Variants in GRIP1 observed in about 807,000 individuals in gnomAD.
GRIP1 encodes glutamate receptor-interacting protein 1.
In GRIP1, 45 loss-of-function variants were observed where a neutral mutation model predicts 129.9. That is an observed-to-expected ratio of 0.35 (90% CI 0.27 to 0.44). The LOEUF (loss-of-function observed/expected upper bound fraction) is 0.44. GRIP1 is among the 20% of genes least tolerant of loss of function. The probability of loss-of-function intolerance (pLI) is 1.00; values close to 1 mark genes in which losing one functional copy is unlikely to be tolerated. For missense variants in GRIP1, 1,196 were observed against 1,396.8 expected, an observed-to-expected ratio of 0.86 and a Z score of 2.29; for synonymous variants, 530 against 520.8, an observed-to-expected ratio of 1.02 and a Z score of -0.24.
chr12:66,961,237 CAG>C (rs1566096016), intron 1 of GRIP1, among the ~76,000 whole-genome samples: 1 of 151,748 alleles, frequency 6.6e-6, no homozygotes, highest in Non-Finnish European at 1.5e-5. Context: ...GCAAACAAAA[CAG>C]GGAGGAACAC....
chr12:66,838,087 G>A (rs1270553788), intron 1 of GRIP1, among the ~76,000 whole-genome samples: 1 of 151,822 alleles, frequency 6.6e-6, no homozygotes, highest in Non-Finnish European at 1.5e-5. Context: ...TCCAGAGGCT[G>A]AGGCAGGAGA....
chr12:66,838,889 G>T (rs2039664894), intron 1 of GRIP1, among the ~76,000 whole-genome samples: 1 of 152,160 alleles, frequency 6.6e-6, no homozygotes, highest in Non-Finnish European at 1.5e-5. Flanking sequence ...CTTCTATGTA[G>T]CCAATTTTAA....
chr12:66,979,363 TGAGTGAATGCAG>T (rs1408876121), intron 1 of GRIP1, among the ~76,000 whole-genome samples: 1 of 145,550 alleles, frequency 6.9e-6, no homozygotes, highest in Non-Finnish European at 1.5e-5. Flanking sequence ...AACAACTCAA[TGAGTGAATGCAG>T]GAGTGAAAAT....
chr12:66,764,494 T>C (rs2037568537), intron 1 of GRIP1, among the ~76,000 whole-genome samples: 1 of 152,186 alleles, frequency 6.6e-6, no homozygotes, highest in Non-Finnish European at 1.5e-5. Flanking sequence ...TTGACCAAAA[T>C]TTACACTCAA....
At chr12:66,655,795 T>G (rs117700649) in intron 1 of GRIP1, among the ~76,000 whole-genome samples, 9,666 of 152,074 alleles carry the variant, frequency 0.064, 438 homozygotes, top group Non-Finnish European at 0.099. Context: ...ATTCTTTTAG[T>G]AGAGACGGGG....
chr12:66,453,898 GT>G (rs1592352794), intron 11 of GRIP1, among the ~76,000 whole-genome samples: 2 of 152,174 alleles, frequency 1.3e-5, no homozygotes, highest in East Asian at 1.9e-4. Flanking sequence ...CATTCAACTA[GT>G]TTCTTCCAAG....
intron 1 of GRIP1, among the ~76,000 whole-genome samples, chr12:66,626,331 C>T (rs1290230093): frequency 7.8e-6 from 1 of 127,430 alleles, no homozygotes; most frequent in African/African-American, 2.9e-5. Flanking sequence ...CAGAGTAAGA[C>T]CCCATCTCCA....
At chr12:66,908,602 C>T (rs1389449527) in intron 1 of GRIP1, among the ~76,000 whole-genome samples, 2 of 151,920 alleles carry the variant, frequency 1.3e-5, no homozygotes. Flanking sequence ...CCCTCTTGCA[C>T]AGAGTTTGTT....
In GRIP1 at chr12:66,870,986, T is replaced by C. The variant is rs147294083; in HGVS notation, c.58+198064A>G. ...TGCACTCAAAGCCTAATTTTTACCA[T>C]TTATAGCCTGTGTGACCTTGACCAT... On this transcript the variant is annotated intron_variant, in intron 1 of 1. Coordinates refer to the GRIP1 transcript ENST00000643019. Among the ~76,000 whole-genome samples, 887 of 152,232 alleles carry C rather than the reference T, an allele frequency of 5.8e-3. 7 individuals are homozygous for C. Among genetic ancestry groups the C allele is most frequent in the Non-Finnish European group, 5.6e-3 (384 of 67,990 alleles).
chr12:66,522,182 T>A (rs952686769), intron 5 of GRIP1, among the ~76,000 whole-genome samples: 1 of 152,232 alleles, frequency 6.6e-6, no homozygotes, highest in African/African-American at 2.4e-5. Flanking sequence ...GCTGTAGATC[T>A]GAGAACAGGC....
intron 1 of GRIP1, among the ~76,000 whole-genome samples, chr12:66,668,390 G>T (rs1017352631): frequency 2.6e-5 from 4 of 152,152 alleles, no homozygotes; most frequent in Admixed American, 2.6e-4. Flanking sequence ...GAAACTCTGT[G>T]GGGTCCTAGA....
chr12:66,528,532 A>G (rs1447192936), intron 5 of GRIP1, among the ~76,000 whole-genome samples: 1 of 152,156 alleles, frequency 6.6e-6, no homozygotes, highest in African/African-American at 2.4e-5. Flanking sequence ...GCACATAGAT[A>G]CCCAAGAGAT....
At chr12:66,621,594 A>G (rs1436140945) in intron 1 of GRIP1, among the ~76,000 whole-genome samples, 1 of 152,062 alleles carries the variant, frequency 6.6e-6, no homozygotes, top group Non-Finnish European at 1.5e-5. Context: ...CCTGCTTTCA[A>G]TTCTTTGGGG....
At chr12:66,957,777 T>C (rs1223626960) in intron 1 of GRIP1, among the ~76,000 whole-genome samples, 1 of 152,192 alleles carries the variant, frequency 6.6e-6, no homozygotes, top group Non-Finnish European at 1.5e-5. Context: ...TGAGGGAGTA[T>C]ATGTCAGATT....
intron 1 of GRIP1, among the ~76,000 whole-genome samples, chr12:66,916,509 G>T (rs2041124791): frequency 6.6e-6 from 1 of 152,146 alleles, no homozygotes; most frequent in Non-Finnish European, 1.5e-5. Context: ...GAAGCCACCA[G>T]TGTGCTGTAA....
At chr12:66,570,327 G>A (rs2062917504) in intron 2 of GRIP1, among the ~76,000 whole-genome samples, 1 of 152,008 alleles carries the variant, frequency 6.6e-6, no homozygotes, top group South Asian at 2.1e-4. Context: ...TATTTGCTCA[G>A]GCCAGTCTCA....
chr12:66,484,106 G>A (rs554107375), intron 7 of GRIP1, among the ~76,000 whole-genome samples: 50 of 152,104 alleles, frequency 3.3e-4, no homozygotes, highest in East Asian at 2.5e-3. Context: ...TGATCCGCCC[G>A]CCTCGGCCTC....
At chr12:66,421,768 C>T (rs12371165) in intron 14 of GRIP1, among the ~76,000 whole-genome samples, 14,247 of 150,416 alleles carry the variant, frequency 0.095, 894 homozygotes, top group Middle Eastern at 0.14. Context: ...TTAGATAAAA[C>T]TATTATACTG....
intron 1 of GRIP1, among the ~76,000 whole-genome samples, chr12:66,995,776 G>A (rs1713198883): frequency 6.6e-6 from 1 of 152,154 alleles, no homozygotes; most frequent in Admixed American, 6.5e-5. Context: ...CATTCTTCAT[G>A]AGGTTAAACA....
Sources: gnomAD v4.1 joint callset for allele counts (sites outside exome capture counted in the v4.1 genomes callset) on GRCh38, gnomAD v4.1.1 for gene constraint, MANE v1.5 for transcripts, NCBI Gene and HGNC (gene_info 2026-07-23, HGNC 2026-07-21) for gene names.